The following MSI2 variants were observed in gnomAD, a reference collection of about 807,000 sequenced individuals.
The protein encoded by MSI2 is RNA-binding protein Musashi homolog 2.
Under a neutral mutation model 45.6 loss-of-function variants are expected in MSI2, and 17 were observed. That is an observed-to-expected ratio of 0.37 (90% CI 0.26 to 0.56). The LOEUF (loss-of-function observed/expected upper bound fraction) is 0.56, where lower values mean the gene tolerates loss of function less well. Among genes scored for constraint, MSI2 ranks in the 20% least tolerant of loss-of-function variants. The pLI is 0.77. For synonymous variants in MSI2, 156 were observed against 158.2 expected, an observed-to-expected ratio of 0.99 and a Z score of 0.11; for missense variants, 293 against 444.2, an observed-to-expected ratio of 0.66 and a Z score of 3.06.
chr17:57,269,005 C>T (rs1034566450), intron 5 of MSI2, among the ~76,000 whole-genome samples: 2 of 152,072 alleles, frequency 1.3e-5, no homozygotes, highest in Non-Finnish European at 2.9e-5. Context: ...AGGGGGTGAC[C>T]TGTGATACTG....
intron 7 of MSI2, among the ~76,000 whole-genome samples, chr17:57,558,835 C>T (rs1037419345): frequency 6.6e-6 from 1 of 152,122 alleles, no homozygotes; most frequent in South Asian, 2.1e-4. Context: ...CCAAGGCGGG[C>T]AGATCACCTG....
intron 5 of MSI2, among the ~76,000 whole-genome samples, chr17:57,331,462 G>A (rs1346753833): frequency 6.6e-6 from 1 of 152,196 alleles, no homozygotes; most frequent in East Asian, 1.9e-4. Context: ...AAGGAAATAT[G>A]TGAGATGAGT....
At chr17:57,397,783 C>T (rs990961542) in intron 5 of MSI2, among the ~76,000 whole-genome samples, 4 of 152,220 alleles carry the variant, frequency 2.6e-5, no homozygotes, top group Non-Finnish European at 5.9e-5. Flanking sequence ...GTGCCCCCTT[C>T]TCCTAAAGCC....
At chr17:57,572,884 CA>C (rs1230211555) in intron 7 of MSI2, among the ~76,000 whole-genome samples, 1 of 152,220 alleles carries the variant, frequency 6.6e-6, no homozygotes, top group African/African-American at 2.4e-5. Context: ...GAGTGGAGAT[CA>C]GGCTGAGATG....
chr17:57,636,374 C>T (rs1270586763), intron 10 of MSI2, among the ~76,000 whole-genome samples: 2 of 152,198 alleles, frequency 1.3e-5, no homozygotes, highest in African/African-American at 4.8e-5. Context: ...CTGCCATGCT[C>T]AAGGCCTAGG....
At chr17:57,549,001 A>G (rs1001252379) in intron 7 of MSI2, among the ~76,000 whole-genome samples, 1 of 148,906 alleles carries the variant, frequency 6.7e-6, no homozygotes, top group East Asian at 2.0e-4. Context: ...CTGCACACAT[A>G]GACACCAAAC....
At chr17:57,570,145 C>G (rs1464747500) in intron 7 of MSI2, among the ~76,000 whole-genome samples, 1 of 152,080 alleles carries the variant, frequency 6.6e-6, no homozygotes. Context: ...TAGTATTGCA[C>G]AAAAAAGCTA....
At chr17:57,597,466 TA>T (rs35606406) in intron 8 of MSI2, among the ~76,000 whole-genome samples, 12,630 of 86,862 alleles carry the variant, frequency 0.15, 842 homozygotes, top group Non-Finnish European at 0.18. Flanking sequence ...CCTCATCTCT[TA>T]AAAAAAAAAA....
chr17:57,660,977 G>C (rs370339530), intron 11 of MSI2, among the ~76,000 whole-genome samples: 1 of 152,250 alleles, frequency 6.6e-6, no homozygotes, highest in African/African-American at 2.4e-5. Flanking sequence ...TGTTAGACAA[G>C]CTTTGACAAC....
chr17:57,388,286 G>A (rs1473813374), intron 5 of MSI2, among the ~76,000 whole-genome samples: 1 of 152,222 alleles, frequency 6.6e-6, no homozygotes, highest in African/African-American at 2.4e-5. Context: ...GTTGGAAGAG[G>A]CCAGATCAGC....
intron 7 of MSI2, among the ~76,000 whole-genome samples, chr17:57,565,358 G>T (rs1355636551): frequency 6.6e-6 from 1 of 152,194 alleles, no homozygotes; most frequent in Non-Finnish European, 1.5e-5. Flanking sequence ...TGAGTCACCT[G>T]ATCCTGCCTG....
chr17:57,520,017 AC>A (rs1421244486), intron 6 of MSI2, among the ~76,000 whole-genome samples: 1 of 152,090 alleles, frequency 6.6e-6, no homozygotes, highest in Non-Finnish European at 1.5e-5. Context: ...ACAAATCGAG[AC>A]CCCATCCCTA....
At chr17:57,417,304 A>T (rs2084313200) in intron 6 of MSI2, among the ~76,000 whole-genome samples, 1 of 152,058 alleles carries the variant, frequency 6.6e-6, no homozygotes, top group African/African-American at 2.4e-5. Context: ...TGCCCCACAC[A>T]CCCCTGGATA....
intron 7 of MSI2, among the ~76,000 whole-genome samples, chr17:57,549,312 CTTTT>C (rs33917812): frequency 8.0e-5 from 10 of 124,280 alleles, no homozygotes; most frequent in African/African-American, 2.5e-4. Flanking sequence ...CCCCACTGCC[CTTTT>C]TTTTTTTTTT....
At chr17:57,277,057 T>C (rs1336523246) in intron 5 of MSI2, among the ~76,000 whole-genome samples, 5 of 137,240 alleles carry the variant, frequency 3.6e-5, no homozygotes, top group Admixed American at 7.1e-5. Context: ...TCTTTTCTTT[T>C]TTTTTTTTTT....
intron 11 of MSI2, among the ~76,000 whole-genome samples, chr17:57,658,433 G>A (rs529317696): frequency 2.0e-5 from 3 of 152,298 alleles, no homozygotes; most frequent in African/African-American, 7.2e-5. Context: ...GGAGAGCCAG[G>A]ACTTTCACCA....
At chr17:57,662,937 C>A (rs954141058) in intron 11 of MSI2, among the ~76,000 whole-genome samples, 2 of 152,220 alleles carry the variant, frequency 1.3e-5, no homozygotes, top group African/African-American at 4.8e-5. Flanking sequence ...TGGAAGGGAA[C>A]CTTTAGCTGA....
intron 5 of MSI2, among the ~76,000 whole-genome samples, chr17:57,361,299 GA>G (rs1345934071): frequency 6.6e-6 from 1 of 152,028 alleles, no homozygotes; most frequent in Non-Finnish European, 1.5e-5. Context: ...CTAGACAAAA[GA>G]AAATGTTAAG....
At chr17:57,330,274 CTTTTTCTTT>C (rs1034977259) in intron 5 of MSI2, among the ~76,000 whole-genome samples, 8 of 151,144 alleles carry the variant, frequency 5.3e-5, no homozygotes, top group East Asian at 1.9e-4. Flanking sequence ...AAGCCTGTAA[CTTTTTCTTT>C]TTTTTCTTTT....
Sources: gnomAD v4.1 joint callset for allele counts (sites outside exome capture counted in the v4.1 genomes callset) on GRCh38, gnomAD v4.1.1 for gene constraint, MANE v1.5 for transcripts, NCBI Gene and HGNC (gene_info 2026-07-23, HGNC 2026-07-21) for gene names.